Variants in VPS13D observed in about 807,000 individuals in gnomAD.
The protein encoded by VPS13D is intermembrane lipid transfer protein VPS13D.
A neutral mutation model predicts 461.9 loss-of-function variants in VPS13D; 187 were observed. That is an observed-to-expected ratio of 0.40 (90% confidence interval 0.36 to 0.46). The LOEUF (loss-of-function observed/expected upper bound fraction) is 0.46, where lower values mean the gene tolerates loss of function less well. VPS13D is among the 20% of genes least tolerant of loss of function. VPS13D has a pLI of 0.60. For synonymous variants in VPS13D, 1,951 were observed against 1,986.3 expected (o/e 0.98, Z 0.47); for missense variants, 4,711 against 5,364.9 (o/e 0.88, Z 3.81).
chr1:12,332,378 A>G (rs1459124585), intron 37 of VPS13D, among the ~76,000 whole-genome samples: 2 of 152,238 alleles, frequency 1.3e-5, no homozygotes, highest in South Asian at 2.1e-4. Flanking sequence ...AGTGAAAACA[A>G]TGTACCACGG....
At chr1:12,363,823 T>C (rs1643988310) in intron 52 of VPS13D, among the ~76,000 whole-genome samples, 1 of 151,682 alleles carries the variant, frequency 6.6e-6, no homozygotes, top group African/African-American at 2.4e-5. Flanking sequence ...CGTGGTGGTG[T>C]GTGGCTGTAG....
chr1:12,345,302 G>C, intron 42 of VPS13D, 72 bp from the exon 43 acceptor site: 1 of 1,521,264 alleles, frequency 6.6e-7, no homozygotes, highest in Non-Finnish European at 8.9e-7. Flanking sequence ...AATCAGATTT[G>C]TGTCTTTGCT....
chr1:12,234,213 G>A lies in VPS13D; in HGVS notation c.-54G>A. On this transcript the variant is annotated 5_prime_UTR_variant, in exon 2 of 70. Coordinates refer to ENST00000620676, the MANE Select transcript of VPS13D (RefSeq NM_015378.4). ...TAGATTTTTCTGTGACCATGAAAGA[G>A]AGAAATAAAGAATGATCCATGATTT... is the stretch of plus-strand genomic sequence containing the variant. The A allele has an allele frequency of 1.6e-6, 2 of 1,246,568 alleles. No homozygotes were observed. The highest frequency in any genetic ancestry group is 2.3e-6 in the Non-Finnish European group (2 of 862,944). The allele number at this position is 1,246,568 out of a possible 1,614,324, so 77.2% of individuals were successfully genotyped here. A position where few individuals can be genotyped will look rare whatever the true frequency, so the allele number is the denominator to read the frequency against.
intron 52 of VPS13D, 146 bp from the exon 53 acceptor site, chr1:12,368,322 G>T: frequency 1.1e-6 from 1 of 933,270 alleles, no homozygotes; most frequent in South Asian, 2.2e-5. Context: ...TTTTTCAGAT[G>T]ATGGAGGAAC....
intron 26 of VPS13D, among the ~76,000 whole-genome samples, chr1:12,306,657 T>A (rs1026656820): frequency 1.3e-5 from 2 of 152,328 alleles, no homozygotes; most frequent in Admixed American, 1.3e-4. Context: ...GTTTTCACAC[T>A]GTTTCCATGT....
intron 18 of VPS13D, among the ~76,000 whole-genome samples, chr1:12,274,425 T>G (rs1196998496): frequency 6.6e-6 from 1 of 151,648 alleles, no homozygotes; most frequent in Non-Finnish European, 1.5e-5. Flanking sequence ...GATCTACCTG[T>G]CTTGGCGACC....
At position 12,353,983 on chromosome 1, in the gene VPS13D, G is replaced by A. The variant is rs140096920; in HGVS notation, c.9441G>A (p.Val3147=). The A allele has an allele frequency of 1.4e-4, 219 of 1,613,658 alleles. 2 individuals carry two copies. In the African/African-American group the frequency reaches 2.7e-3, roughly 20 times the overall value. ...CATTTTATCTTCATAGGTTTTGTGTGGCTATAAAGAAAGAGAATTATCCAG... is the reference window on the plus strand; with the variant it reads ...CATTTTATCTTCATAGGTTTTGTGTAGCTATAAAGAAAGAGAATTATCCAG... ...TEKSRFFRFC[V]AIKKENYPDY... is the part of the protein sequence containing the mutation. The change falls in exon 47 of 70, where the codon GTG becomes GTA. Residue 3147 remains valine (V), a synonymous_variant. Coordinates refer to ENST00000620676, the MANE Select transcript of VPS13D (RefSeq NM_015378.4).
Position 12,253,741 on chromosome 1 carries a change from A to T in VPS13D, c.584A>T (p.Lys195Ile). 1 of 1,614,166 alleles carries T rather than the reference A, an allele frequency of 6.2e-7. No individual in the cohort carries two copies. Among genetic ancestry groups the T allele is most frequent in the Non-Finnish European group, 8.5e-7 (1 of 1,179,996 alleles). The stretch of plus-strand genomic sequence containing the variant: ...CCTCAGGTACAGAAACTAATGCGGA[A>T]AAAGCAATTAGACGTAGCAGAATTT... ...VNEPVQKLMR[K>I]KQLDVAEFSI... The change falls in exon 7 of 70, where the codon AAA becomes ATA. Residue 195 changes from lysine to isoleucine, a missense_variant. Lys to Ile is a moderately radical substitution (Grantham distance 102). This residue lies in a region of VPS13D where 4,411 missense variants were observed against 4,937.8 expected (regional missense o/e 0.89). Transcript: ENST00000620676.
chr1:12,404,536 G>C (rs1225726095), intron 63 of VPS13D, among the ~76,000 whole-genome samples: 1 of 152,154 alleles, frequency 6.6e-6, no homozygotes. Context: ...AGACCATCTT[G>C]ATGACTACTT....
intron 38 of VPS13D, among the ~76,000 whole-genome samples, chr1:12,333,997 G>A (rs1401354850): frequency 6.6e-6 from 1 of 152,294 alleles, no homozygotes; most frequent in Admixed American, 6.5e-5. Flanking sequence ...CACATTCATT[G>A]TTTGATTTAT....
intron 29 of VPS13D, among the ~76,000 whole-genome samples, chr1:12,313,908 G>T (rs1483183817): frequency 6.6e-6 from 1 of 152,204 alleles, no homozygotes; most frequent in African/African-American, 2.4e-5. Flanking sequence ...CTTTGGAACT[G>T]GAAAAGTAAG....
intron 13 of VPS13D, among the ~76,000 whole-genome samples, chr1:12,262,947 G>A (rs1241274612): frequency 6.6e-6 from 1 of 152,022 alleles, no homozygotes; most frequent in Admixed American, 6.6e-5. Context: ...CAAGCAATCT[G>A]TCCTCCTCGG....
At chr1:12,271,190 C>T in intron 17 of VPS13D, 66 bp downstream of exon 17, 1 of 1,598,760 alleles carries the variant, frequency 6.3e-7, no homozygotes, top group Non-Finnish European at 8.6e-7. Flanking sequence ...TCCGTCAAGT[C>T]ACTACTTACT....
chr1:12,333,230 G>A lies in VPS13D; in HGVS notation c.8292G>A (p.Trp2764Ter). The A allele has an allele frequency of 1.2e-6, 2 of 1,613,528 alleles. No individual in the cohort carries two copies. The highest frequency in any genetic ancestry group is 1.7e-6 in the Non-Finnish European group (2 of 1,179,692). Residue 2764 changes from tryptophan to a stop codon, truncating the protein, a stop_gained, in exon 38 of 70, where the codon TGG (tryptophan) becomes TGA (stop). Coordinates refer to ENST00000620676, the MANE Select transcript of VPS13D (RefSeq NM_015378.4). LOFTEE classifies it high-confidence loss of function. ...TTATTTCCTGTGTTCTTTTAGGCTGGGAGCCATTTATTGAGCCTTGGCCAT... is the reference window on the plus strand; with the variant it reads ...TTATTTCCTGTGTTCTTTTAGGCTGAGAGCCATTTATTGAGCCTTGGCCAT... Reference protein sequence around the residue: ...GDYYNRALSGWEPFIEPWPCS... With the variant: ...GDYYNRALSG
At chr1:12,236,807 G>T (rs1021588138) in intron 2 of VPS13D, among the ~76,000 whole-genome samples, 3 of 152,108 alleles carry the variant, frequency 2.0e-5, no homozygotes, top group Non-Finnish European at 4.4e-5. Context: ...TTGAATCCCA[G>T]TTCTTCCATT....
intron 68 of VPS13D, among the ~76,000 whole-genome samples, chr1:12,498,371 C>T (rs1326055878): frequency 2.0e-5 from 3 of 151,952 alleles, no homozygotes; most frequent in Non-Finnish European, 2.9e-5. Flanking sequence ...GGGTGTTTTT[C>T]GGTGGGTGGA....
chr1:12,412,498 A>G (rs1431443916), intron 63 of VPS13D, among the ~76,000 whole-genome samples: 1 of 152,250 alleles, frequency 6.6e-6, no homozygotes, highest in Non-Finnish European at 1.5e-5. Flanking sequence ...AAATGGATGT[A>G]TAATACCATC....
Position 12,484,742 on chromosome 1 carries a change from T to C in VPS13D, c.12663-12758T>C, listed in dbSNP as rs573780623. ...CCTAAGATTGGTGGGAAAGTACAGA[T>C]AAAAGCTGGTTGAGGAGGTGTTGAT... On this transcript the variant is annotated intron_variant, in intron 67 of 69. Transcript: ENST00000620676. Among the ~76,000 whole-genome samples the C allele has an allele frequency of 1.5e-4, 23 of 152,302 alleles. 1 individual carries two copies. In the East Asian group the frequency reaches 1.5e-3, roughly 10 times the overall value.
At chr1:12,470,994 T>G (rs1645555887) in intron 67 of VPS13D, among the ~76,000 whole-genome samples, 1 of 152,186 alleles carries the variant, frequency 6.6e-6, no homozygotes, top group African/African-American at 2.4e-5. Context: ...TTTAGTATCT[T>G]CTGTGCAATT....
Sources: gnomAD v4.1 joint callset for allele counts (sites outside exome capture counted in the v4.1 genomes callset) on GRCh38, gnomAD v4.1.1 for gene constraint, gnomAD v4.1.1 regional missense constraint, MANE v1.5 for transcripts, NCBI Gene and HGNC (gene_info 2026-07-23, HGNC 2026-07-21) for gene names.